The following SLC5A4 variants were observed in gnomAD, a reference collection of about 807,000 sequenced individuals.
SLC5A4 encodes the protein solute carrier family 5 member 4.
A neutral mutation model predicts 70.3 loss-of-function variants in SLC5A4; 55 were observed. The ratio of observed to expected loss-of-function variants is 0.78; its 90% CI spans 0.63 to 0.98. The LOEUF (loss-of-function observed/expected upper bound fraction) is 0.98, where lower values mean the gene tolerates loss of function less well. SLC5A4 is among the 50% of genes least tolerant of loss of function. The pLI, the probability that SLC5A4 is intolerant of heterozygous loss-of-function variation, is 0.00. For missense variants in SLC5A4, 735 were observed against 839.2 expected (o/e 0.88, Z 1.53); for synonymous variants, 268 against 305.7 (o/e 0.88, Z 1.29).
chr22:32,309,482 CTA>C, the SLC5A4 span, among the ~76,000 whole-genome samples: 1 of 152,104 alleles, frequency 6.6e-6, no homozygotes, highest in African/African-American at 2.4e-5. Flanking sequence ...ACCGGTAACT[CTA>C]GAAATCTATG....
the SLC5A4 span, among the ~76,000 whole-genome samples, chr22:32,354,207 C>T: frequency 1.4e-5 from 2 of 145,278 alleles, no homozygotes; most frequent in Admixed American, 1.4e-4. Flanking sequence ...CCCCTCTACA[C>T]GGGCAGTCTG....
At chr22:32,221,699 C>A (rs1012931647) in intron 13 of SLC5A4, among the ~76,000 whole-genome samples, 1 of 151,722 alleles carries the variant, frequency 6.6e-6, no homozygotes, top group Non-Finnish European at 1.5e-5. Flanking sequence ...AAATATCAGC[C>A]CTGGGTCATT....
At chr22:32,312,090 C>CA in the SLC5A4 span, among the ~76,000 whole-genome samples, 46 of 152,204 alleles carry the variant, frequency 3.0e-4, no homozygotes, top group East Asian at 8.5e-3. Flanking sequence ...TTGGTACCTG[C>CA]CCTGTGGTCA....
At chr22:32,227,510 T>C (rs1925472940) in intron 11 of SLC5A4, among the ~76,000 whole-genome samples, 1 of 152,252 alleles carries the variant, frequency 6.6e-6, no homozygotes, top group African/African-American at 2.4e-5. Flanking sequence ...TCAGTTTCTC[T>C]TGATACCAAT....
chr22:32,349,112 T>C, the SLC5A4 span, among the ~76,000 whole-genome samples: 581 of 152,182 alleles, frequency 3.8e-3, 5 homozygotes, highest in Non-Finnish European at 6.3e-3. Flanking sequence ...GTAGCTGGGA[T>C]TACAGGCGTG....
At chr22:32,326,410 C>T in the SLC5A4 span, among the ~76,000 whole-genome samples, 1 of 152,054 alleles carries the variant, frequency 6.6e-6, no homozygotes, top group African/African-American at 2.4e-5. Flanking sequence ...GCACCCAACA[C>T]CATGCCCAGC....
At chr22:32,280,316 C>A in the SLC5A4 span, among the ~76,000 whole-genome samples, 1 of 152,138 alleles carries the variant, frequency 6.6e-6, no homozygotes, top group Non-Finnish European at 1.5e-5. Context: ...CGTGCCCAGC[C>A]CTCCAGTTTT....
At chr22:32,303,622 T>C in the SLC5A4 span, among the ~76,000 whole-genome samples, 1 of 152,220 alleles carries the variant, frequency 6.6e-6, no homozygotes, top group Non-Finnish European at 1.5e-5. Flanking sequence ...TCCATGTCTT[T>C]TAATGGCTTG....
chr22:32,335,374 T>C, the SLC5A4 span, among the ~76,000 whole-genome samples: 6 of 152,078 alleles, frequency 3.9e-5, no homozygotes, highest in South Asian at 2.1e-4. Flanking sequence ...AAGCTGTGAG[T>C]AAGCCCTGAG....
At chr22:32,234,264 G>A (rs1444981135) in intron 8 of SLC5A4, among the ~76,000 whole-genome samples, 1 of 152,152 alleles carries the variant, frequency 6.6e-6, no homozygotes, top group Non-Finnish European at 1.5e-5. Context: ...TGCACACTGA[G>A]CACAAGGATT....
chr22:32,224,111 A>T (rs559310966), intron 13 of SLC5A4, among the ~76,000 whole-genome samples, 156 bp downstream of exon 13: 1 of 152,086 alleles, frequency 6.6e-6, no homozygotes, highest in African/African-American at 2.4e-5. Context: ...TAGTAGAGAC[A>T]AGGTTTCACC....
At chr22:32,314,916 A>G in the SLC5A4 span, among the ~76,000 whole-genome samples, 2 of 152,184 alleles carry the variant, frequency 1.3e-5, no homozygotes, top group Non-Finnish European at 2.9e-5. Flanking sequence ...ACTTGCCCCC[A>G]TGATTCAATT....
At chr22:32,264,511 C>T in the SLC5A4 span, among the ~76,000 whole-genome samples, 1 of 152,072 alleles carries the variant, frequency 6.6e-6, no homozygotes, top group South Asian at 2.1e-4. Flanking sequence ...GTTAACGTTA[C>T]AGTAAGCCAT....
chr22:32,330,326 TG>T, the SLC5A4 span, among the ~76,000 whole-genome samples: 1 of 32,570 alleles, frequency 3.1e-5, no homozygotes, highest in Non-Finnish European at 5.2e-5. Context: ...GTGTGTGTGT[TG>T]GGGGGCTCTG....
chr22:32,231,218 A>G (rs1462841622), intron 9 of SLC5A4, 143 bp from the exon 10 acceptor site: 4 of 649,894 alleles, frequency 6.2e-6, no homozygotes, highest in Non-Finnish European at 1.1e-5. Context: ...ACTCCATATC[A>G]TAGATCTGGC....
chr22:32,345,077 A>C, the SLC5A4 span, among the ~76,000 whole-genome samples: 1 of 152,194 alleles, frequency 6.6e-6, no homozygotes, highest in Non-Finnish European at 1.5e-5. Flanking sequence ...ACTGATAACC[A>C]CATTTTCAAG....
At chr22:32,291,647 C>G in the SLC5A4 span, among the ~76,000 whole-genome samples, 1 of 152,026 alleles carries the variant, frequency 6.6e-6, no homozygotes, top group African/African-American at 2.4e-5. Flanking sequence ...CCAAGATAGG[C>G]TCTTAAGCTT....
chr22:32,354,297 C>A, the SLC5A4 span, among the ~76,000 whole-genome samples: 70 of 151,350 alleles, frequency 4.6e-4, no homozygotes, highest in African/African-American at 1.6e-3. Context: ...CACCCCCCTC[C>A]CTGCTGCCAA....
rs531964796 is a variant in SLC5A4 at position 32,225,687 on chromosome 22, G to A, written c.1417C>T (p.Leu473Phe). ...TTGACTCTTTTACAGAAGATGGCAA[G>A]CACAAAGACAGCTGCAATTGGAGGC... The part of the protein sequence containing the change: ...LGPPIAAVFV[L>F]AIFCKRVNEQ... The change falls in exon 12 of 15, where the codon CTT becomes TTT. Residue 473 changes from leucine to phenylalanine, a missense_variant. Transcript: ENST00000266086. 6.2e-7 allele frequency: 1 copy of A among 1,612,922 alleles called. No individual in the cohort carries two copies. The highest frequency in any genetic ancestry group is 2.2e-5 in the East Asian group (1 of 44,842).
Sources: allele counts gnomAD v4.1 joint callset (sites outside exome capture counted in the v4.1 genomes callset), GRCh38; gene constraint gnomAD v4.1.1; transcripts MANE v1.5; gene names NCBI Gene and HGNC (gene_info 2026-07-23, HGNC 2026-07-21).